The following AAMDC variants were observed in gnomAD, a reference collection of about 807,000 sequenced individuals.
AAMDC encodes mth938 domain-containing protein.
A neutral mutation model predicts 15.5 loss-of-function variants in AAMDC; 16 were observed. That is an observed-to-expected ratio of 1.03 (90% CI 0.70 to 1.57). AAMDC has a LOEUF of 1.57. Among genes scored for constraint, AAMDC ranks in the 40% most tolerant of loss-of-function variants. The probability of loss-of-function intolerance (pLI) is 0.00; values close to 1 mark genes in which losing one functional copy is unlikely to be tolerated. For synonymous variants in AAMDC, 51 were observed against 51.6 expected (o/e 0.99, Z 0.05); for missense variants, 141 against 144.9 (o/e 0.97, Z 0.14).
chr11:77,851,780 A>G (rs916696999), intron 2 of AAMDC, among the ~76,000 whole-genome samples: 1 of 152,148 alleles, frequency 6.6e-6, no homozygotes, highest in Non-Finnish European at 1.5e-5. Flanking sequence ...AGTCAAGCAG[A>G]TGCTGGTATC....
At chr11:77,831,595 A>G (rs1387619317) in intron 1 of AAMDC, among the ~76,000 whole-genome samples, 1 of 151,346 alleles carries the variant, frequency 6.6e-6, no homozygotes, top group Non-Finnish European at 1.5e-5. Context: ...CTCTACCCTT[A>G]CCTTCTTGAT....
At chr11:77,897,174 G>C (rs1591025512) in intron 5 of AAMDC, among the ~76,000 whole-genome samples, 2 of 151,880 alleles carry the variant, frequency 1.3e-5, no homozygotes, top group African/African-American at 4.8e-5. Context: ...AAAGGCGACA[G>C]AGAACAGTGG....
intron 5 of AAMDC, chr11:77,884,062 C>T: frequency 8.9e-7 from 1 of 1,123,810 alleles, no homozygotes; most frequent in Admixed American, 2.2e-5. Flanking sequence ...ATGACACCAA[C>T]TTTACTAAGA....
intron 5 of AAMDC, among the ~76,000 whole-genome samples, chr11:77,898,152 C>T (rs1302527648): frequency 6.6e-6 from 1 of 151,914 alleles, no homozygotes; most frequent in African/African-American, 2.4e-5. Flanking sequence ...AGTAAGAGGC[C>T]TTAACTGGCC....
At chr11:77,898,082 C>G (rs1168046856) in intron 5 of AAMDC, among the ~76,000 whole-genome samples, 1 of 152,098 alleles carries the variant, frequency 6.6e-6, no homozygotes, top group Admixed American at 6.6e-5. Flanking sequence ...CTCCCAAAGT[C>G]TGGGATTACA....
chr11:77,883,082 A>AAT (rs992705815), intron 5 of AAMDC, among the ~76,000 whole-genome samples: 3 of 151,054 alleles, frequency 2.0e-5, no homozygotes, highest in Admixed American at 6.6e-5. Flanking sequence ...TCAAAATAAT[A>AAT]ATAATAATAA....
downstream of AAMDC, among the ~76,000 whole-genome samples, chr11:77,875,233 G>A (rs928366485): frequency 6.6e-5 from 10 of 152,118 alleles, no homozygotes; most frequent in African/African-American, 1.7e-4. Flanking sequence ...TCCTTGCCCG[G>A]TTATGTGCCA....
chr11:77,833,128 G>A (rs1430842972), intron 1 of AAMDC, among the ~76,000 whole-genome samples: 7 of 149,204 alleles, frequency 4.7e-5, no homozygotes, highest in South Asian at 2.1e-4. Context: ...CTCCTGCCTC[G>A]GCTTTGGAGT....
intron 2 of AAMDC, among the ~76,000 whole-genome samples, chr11:77,849,260 C>T (rs1000180370): frequency 2.0e-5 from 3 of 151,908 alleles, no homozygotes; most frequent in South Asian, 2.1e-4. Flanking sequence ...CTTGCTGTGT[C>T]GCCCAGGCTG....
chr11:77,895,591 C>T (rs1024081837), intron 5 of AAMDC, among the ~76,000 whole-genome samples: 5 of 139,650 alleles, frequency 3.6e-5, no homozygotes, highest in Non-Finnish European at 6.1e-5. Context: ...TAATCTTCTA[C>T]CAGAAATGGA....
At chr11:77,840,504 G>T (rs549085854) in intron 1 of AAMDC, among the ~76,000 whole-genome samples, 2 of 152,288 alleles carry the variant, frequency 1.3e-5, no homozygotes, top group South Asian at 4.1e-4. Flanking sequence ...ACTCCAGCCT[G>T]GGCAACAGAG....
chr11:77,902,581 A>G (rs1408406801), downstream of AAMDC, among the ~76,000 whole-genome samples: 40 of 152,216 alleles, frequency 2.6e-4, no homozygotes, highest in Admixed American at 2.6e-3. Context: ...TAACTGCCTC[A>G]TCTCTAAAAC....
At chr11:77,822,833 T>C (rs528992548) in intron 1 of AAMDC, among the ~76,000 whole-genome samples, 119 of 152,334 alleles carry the variant, frequency 7.8e-4, no homozygotes, top group African/African-American at 2.8e-3. Flanking sequence ...ACTGTAAATG[T>C]ACTTAATGCC....
Position 77,900,036 on chromosome 11 carries a change from G to GT in AAMDC, c.329-529dup, listed in dbSNP as rs1227870578. 4.0e-5 allele frequency among the ~76,000 whole-genome samples: 6 copies of GT among 151,720 alleles called. No individual in the cohort carries two copies. The East Asian group carries it at 1.2e-3, about 29-fold the overall frequency. On this transcript the variant is annotated intron_variant, in intron 5 of 5. Transcript: ENST00000304716. ...TATAGATGCCATCACAAGCACCTTTGTTTTTTCAGCTATAACTGGCACATA... is the reference window on the plus strand; with the variant it reads ...TATAGATGCCATCACAAGCACCTTTGTTTTTTTCAGCTATAACTGGCACATA...
intron 1 of AAMDC, among the ~76,000 whole-genome samples, chr11:77,830,423 G>C (rs577645835): frequency 6.6e-6 from 1 of 152,038 alleles, no homozygotes; most frequent in Non-Finnish European, 1.5e-5. Context: ...AGCGCCTATT[G>C]TTTGAAGAAT....
At chr11:77,876,786 A>T (rs971189719), downstream of AAMDC, among the ~76,000 whole-genome samples, 9 of 152,196 alleles carry the variant, frequency 5.9e-5, no homozygotes, top group African/African-American at 2.2e-4. Flanking sequence ...CATTATCTCA[A>T]AGCCTCTGTT....
At chr11:77,870,764 C>G (rs527400223) in intron 3 of AAMDC, among the ~76,000 whole-genome samples, 16 of 152,162 alleles carry the variant, frequency 1.1e-4, no homozygotes, top group Non-Finnish European at 2.2e-4. Context: ...GTATATTTCT[C>G]CAGTCTTCTC....
At chr11:77,877,565 T>C (rs1306653605) in intron 5 of AAMDC, among the ~76,000 whole-genome samples, 1 of 152,216 alleles carries the variant, frequency 6.6e-6, no homozygotes, top group Non-Finnish European at 1.5e-5. Context: ...ATACTTCCCC[T>C]GAGGTGGTAT....
chr11:77,900,028 G>C (rs555442475), intron 5 of AAMDC, among the ~76,000 whole-genome samples: 11 of 151,794 alleles, frequency 7.2e-5, no homozygotes, highest in African/African-American at 2.7e-4. Flanking sequence ...GCCATCACAA[G>C]CACCTTTGTT....
Sources: allele counts gnomAD v4.1 joint callset (sites outside exome capture counted in the v4.1 genomes callset), GRCh38; gene constraint gnomAD v4.1.1; transcripts MANE v1.5; gene names NCBI Gene and HGNC (gene_info 2026-07-23, HGNC 2026-07-21).